DNAAF9: variants seen among roughly 807,000 people sequenced by gnomAD.
DNAAF9 encodes the protein dynein axonemal assembly factor 9.
A neutral mutation model predicts 167.0 loss-of-function variants in DNAAF9; 90 were observed. The ratio of observed to expected loss-of-function variants is 0.54; its 90% CI spans 0.45 to 0.64. The LOEUF (loss-of-function observed/expected upper bound fraction) is 0.64. DNAAF9 is among the 30% of genes least tolerant of loss of function. The pLI, the probability that DNAAF9 is intolerant of heterozygous loss-of-function variation, is 0.00. For synonymous variants in DNAAF9, 491 were observed against 508.8 expected, an observed-to-expected ratio of 0.96 and a Z score of 0.47; for missense variants, 1,315 against 1,442.2, an observed-to-expected ratio of 0.91 and a Z score of 1.43.
At chr20:3,374,194 C>T in intron 5 of DNAAF9, 40 bp from the exon 6 acceptor site, 1 of 1,380,804 alleles carries the variant, frequency 7.2e-7, no homozygotes, top group Non-Finnish European at 1.0e-6. Flanking sequence ...CAGATACCAT[C>T]CTGAATATAA....
chr20:3,326,071 G>C (rs570009546), intron 13 of DNAAF9, 126 bp downstream of exon 13: 40 of 663,654 alleles, frequency 6.0e-5, no homozygotes, highest in Non-Finnish European at 8.1e-5. Flanking sequence ...CTCTCTGCCT[G>C]GTGTCAAAGA....
At chr20:3,337,481 A>C (rs2069986513) in intron 10 of DNAAF9, among the ~76,000 whole-genome samples, 1 of 135,148 alleles carries the variant, frequency 7.4e-6, no homozygotes. Flanking sequence ...ACCAGGTTTC[A>C]CTGTGTTAGC....
At chr20:3,405,224 T>C (rs2084039538) in intron 1 of DNAAF9, among the ~76,000 whole-genome samples, 1 of 152,248 alleles carries the variant, frequency 6.6e-6, no homozygotes, top group African/African-American at 2.4e-5. Context: ...CCTCTCATTC[T>C]GAGTAACAAT....
chr20:3,290,276 G>C, intron 25 of DNAAF9, 59 bp from the exon 26 acceptor site: 1 of 1,110,062 alleles, frequency 9.0e-7, no homozygotes, highest in Non-Finnish European at 1.4e-6. Context: ...TGTAAGAAGA[G>C]GTTAAGAGAA....
chr20:3,359,591 C>G lies in DNAAF9; in HGVS notation c.615G>C (p.Leu205Phe). 1 of 1,607,910 alleles carries G rather than the reference C, an allele frequency of 6.2e-7. No homozygotes were observed. Among genetic ancestry groups the G allele is most frequent in the Non-Finnish European group, 8.5e-7 (1 of 1,175,966 alleles). The change falls in exon 7 of 37, where the codon TTG (leucine) becomes TTC (phenylalanine). Residue 205 changes from leucine to phenylalanine, a missense_variant and splice_region_variant. Leu to Phe is a conservative substitution (Grantham distance 22). Around this residue, in one of 2 missense-constraint regions of DNAAF9, gnomAD observed 981 missense variants for 1,012.5 expected, o/e 0.97. Coordinates refer to ENST00000252032, the MANE Select transcript of DNAAF9 (RefSeq NM_001009984.3). ...TCCATAGATTCAAACTCACATCCTGCAACTGCAACAGAGGGCAAAAACATT... is the reference window on the plus strand; with the variant it reads ...TCCATAGATTCAAACTCACATCCTGGAACTGCAACAGAGGGCAAAAACATT... ...GDGFFTMKYE[L>F]QDVSLNLWNV...
At chr20:3,387,705 C>T (rs555046572) in intron 1 of DNAAF9, among the ~76,000 whole-genome samples, 1 of 151,598 alleles carries the variant, frequency 6.6e-6, no homozygotes, top group South Asian at 2.1e-4. Context: ...AAAGACAACC[C>T]ATCTATATAA....
intron 8 of DNAAF9, among the ~76,000 whole-genome samples, chr20:3,348,257 C>T (rs963508749): frequency 6.6e-6 from 1 of 152,040 alleles, no homozygotes; most frequent in Admixed American, 6.6e-5. Flanking sequence ...ATTATTCCTA[C>T]GTCTATTAAC....
chr20:3,332,423 A>G, intron 10 of DNAAF9, 62 bp from the exon 11 acceptor site: 1 of 833,686 alleles, frequency 1.2e-6, no homozygotes, highest in Non-Finnish European at 2.0e-6. Flanking sequence ...ACTAGTAGAT[A>G]AACAAAAAGT....
chr20:3,341,591 G>A (rs945143953), intron 9 of DNAAF9, among the ~76,000 whole-genome samples: 3 of 152,032 alleles, frequency 2.0e-5, no homozygotes, highest in African/African-American at 4.8e-5. Context: ...TGCTTCCTCC[G>A]CCTTCAAATC....
intron 8 of DNAAF9, among the ~76,000 whole-genome samples, chr20:3,348,113 G>A (rs1487205799): frequency 1.3e-5 from 2 of 152,106 alleles, no homozygotes; most frequent in Non-Finnish European, 2.9e-5. Context: ...CTGTGTCTTG[G>A]TTGTCAATCT....
chr20:3,312,033 G>A (rs1249231795), intron 20 of DNAAF9, among the ~76,000 whole-genome samples: 1 of 146,510 alleles, frequency 6.8e-6, no homozygotes, highest in Non-Finnish European at 1.5e-5. Context: ...TTGTTGCCCA[G>A]GCTGGAGTGC....
chr20:3,385,674 C>T (rs1251630089), intron 1 of DNAAF9, among the ~76,000 whole-genome samples: 1 of 152,188 alleles, frequency 6.6e-6, no homozygotes, highest in Non-Finnish European at 1.5e-5. Context: ...TCAAGTGATC[C>T]TCCCACCTTG....
chr20:3,287,705 C>A lies in DNAAF9; in HGVS notation c.2413G>T (p.Ala805Ser). 1.9e-6 allele frequency: 3 copies of A among 1,614,198 alleles called. No individual in the cohort carries two copies. The highest frequency in any genetic ancestry group is 2.5e-6 in the Non-Finnish European group (3 of 1,180,012). The stretch of plus-strand genomic sequence containing the variant: ...TGGCGCGCAGAGCGGTTCTGCTGGG[C>A]CTCTAGGGCACTGGAAAGGTATCTC... ...FQRYLSSALE[A>S]QQNRSARQSA... The change falls in exon 27 of 37, where the codon GCC becomes TCC. Residue 805 changes from alanine (A) to serine (S), a missense_variant. This residue lies in a region of DNAAF9 where 981 missense variants were observed against 1,012.5 expected (regional missense o/e 0.97). Coordinates refer to ENST00000252032, the MANE Select transcript of DNAAF9 (RefSeq NM_001009984.3).
intron 26 of DNAAF9, among the ~76,000 whole-genome samples, chr20:3,288,645 C>T (rs1267305914): frequency 1.3e-5 from 2 of 152,326 alleles, no homozygotes; most frequent in South Asian, 2.1e-4. Context: ...CAATTTCAGG[C>T]TTCCAAATTT....
intron 3 of DNAAF9, among the ~76,000 whole-genome samples, chr20:3,381,137 A>G (rs1366175643): frequency 1.3e-5 from 2 of 152,228 alleles, no homozygotes; most frequent in African/African-American, 4.8e-5. Context: ...AGATAAAGCC[A>G]AACACTGATG....
intron 1 of DNAAF9, among the ~76,000 whole-genome samples, chr20:3,398,009 T>C (rs2083934380): frequency 6.6e-6 from 1 of 152,186 alleles, no homozygotes; most frequent in Non-Finnish European, 1.5e-5. Flanking sequence ...CTACCTCCCC[T>C]GGTAACACAT....
chr20:3,371,468 C>A (rs551379174), intron 6 of DNAAF9, among the ~76,000 whole-genome samples: 127 of 150,992 alleles, frequency 8.4e-4, no homozygotes, highest in African/African-American at 3.0e-3. Context: ...CTCAGCCTCC[C>A]GAGTAGCTGG....
intron 29 of DNAAF9, among the ~76,000 whole-genome samples, chr20:3,274,471 T>A (rs1406458387): frequency 6.6e-6 from 1 of 152,212 alleles, no homozygotes; most frequent in Non-Finnish European, 1.5e-5. Context: ...CTTCTTCCTC[T>A]ATGGGAAAAG....
chr20:3,376,133 A>G, intron 4 of DNAAF9, 45 bp downstream of exon 4: 2 of 1,567,504 alleles, frequency 1.3e-6, no homozygotes, highest in Non-Finnish European at 1.7e-6. Context: ...CTTAAAGAGT[A>G]TTCTTAGAGT....
Sources: allele counts gnomAD v4.1 joint callset (sites outside exome capture counted in the v4.1 genomes callset), GRCh38; gene constraint gnomAD v4.1.1; regional missense constraint gnomAD v4.1.1; transcripts MANE v1.5; gene names NCBI Gene and HGNC (gene_info 2026-07-23, HGNC 2026-07-21).